Variants in CDK8 observed in about 807,000 individuals in gnomAD.
The protein encoded by CDK8 is cyclin dependent kinase 8.
A neutral mutation model predicts 71.5 loss-of-function variants in CDK8; 29 were observed. The ratio of observed to expected loss-of-function variants is 0.41; its 90% confidence interval spans 0.30 to 0.55. The LOEUF is 0.55. Ranked by LOEUF, CDK8 falls within the 20% of genes least tolerant of loss-of-function variation. The probability of loss-of-function intolerance (pLI) is 0.37; values close to 1 mark genes in which losing one functional copy is unlikely to be tolerated. For missense variants in CDK8, 288 were observed against 572.6 expected (o/e 0.50, Z 5.07); for synonymous variants, 161 against 192.1 (o/e 0.84, Z 1.34).
intron 4 of CDK8, among the ~76,000 whole-genome samples, chr13:26,357,527 A>G (rs912457844): frequency 3.9e-5 from 6 of 152,118 alleles, no homozygotes; most frequent in Admixed American, 2.0e-4. Flanking sequence ...TTCTTTGTTT[A>G]TTCTCTTTCT....
intron 1 of CDK8, among the ~76,000 whole-genome samples, chr13:26,284,908 C>G (rs1593238547): frequency 1.3e-5 from 2 of 149,506 alleles, no homozygotes; most frequent in South Asian, 4.2e-4. Flanking sequence ...AACCACATAC[C>G]AATATCCCTG....
intron 1 of CDK8, among the ~76,000 whole-genome samples, chr13:26,332,511 A>T (rs2137965289): frequency 6.6e-6 from 1 of 151,578 alleles, no homozygotes; most frequent in African/African-American, 2.4e-5. Context: ...ATAAAATCAT[A>T]TCATCAGCAA....
intron 1 of CDK8, among the ~76,000 whole-genome samples, chr13:26,270,141 G>A (rs1432142159): frequency 1.3e-5 from 2 of 151,966 alleles, no homozygotes; most frequent in African/African-American, 4.8e-5. Context: ...TGTAATCCCA[G>A]CACTTTGGGA....
intron 1 of CDK8, among the ~76,000 whole-genome samples, chr13:26,317,118 C>T (rs946173282): frequency 5.9e-5 from 9 of 152,104 alleles, no homozygotes; most frequent in African/African-American, 2.2e-4. Flanking sequence ...GTGACTCCAT[C>T]AAGAGGACCA....
rs1871406883 is a variant in CDK8, at chr13:26,254,252, G to A, written c.-390G>A. 3.6e-6 allele frequency: 1 copy of A among 279,774 alleles called. No homozygotes were observed. Among genetic ancestry groups the A allele is most frequent in the Non-Finnish European group, 6.8e-6 (1 of 146,680 alleles). The allele number at this position is 279,774 out of a possible 1,614,324, so 17.3% of individuals were successfully genotyped here. A position where few individuals can be genotyped will look rare whatever the true frequency, so the allele number is the denominator to read the frequency against. ...CGTGAGTGCGCGTGTGAGAGGACGA[G>A]AGCCCGCCTGGCCGCCCCGCCGCTC... On this transcript the variant is annotated 5_prime_UTR_variant, in exon 1 of 13. Transcript: ENST00000381527. This position sits in a 1 kb window ranked among gnomAD's most constrained non-coding sequence, Gnocchi z 6.7.
In CDK8 at chr13:26,254,211, G is replaced by A; in HGVS notation, c.-431G>A. 3.8e-6 allele frequency: 1 copy of A among 264,068 alleles called. No homozygotes were observed. The highest frequency in any genetic ancestry group is 7.3e-6 in the Non-Finnish European group (1 of 137,332). The allele number at this position is 264,068 out of a possible 1,614,324, so 16.4% of individuals were successfully genotyped here. ...AGTGAGTGAGTGAGTGTGAGCGTGT[G>A]TGTGAGAGCGTGAGGCGTGAGTGCG... On this transcript the variant is annotated 5_prime_UTR_variant, in exon 1 of 13. It adds an upstream start codon to the 5' untranslated region. Coordinates refer to ENST00000381527, the MANE Select transcript of CDK8 (RefSeq NM_001260.3). This position sits in a 1 kb window ranked among gnomAD's most constrained non-coding sequence, Gnocchi z 6.7.
At chr13:26,268,266 C>CAT (rs1457178490) in intron 1 of CDK8, among the ~76,000 whole-genome samples, 1 of 123,940 alleles carries the variant, frequency 8.1e-6, no homozygotes, top group African/African-American at 3.0e-5. Context: ...AACACACACA[C>CAT]ACACACACAC....
At position 26,269,591 on chromosome 13, in the gene CDK8, G is replaced by A. The variant is rs185041424; in HGVS notation, c.128+14822G>A. On this transcript the variant is annotated intron_variant, in intron 1 of 12. Coordinates refer to ENST00000381527, the MANE Select transcript of CDK8 (RefSeq NM_001260.3). ...TCATTCTATTCTAAAAGGTGATTCA[G>A]TCTGATGTTCCTAAGTACATGAAAA... Among the ~76,000 whole-genome samples the A allele has an allele frequency of 1.7e-3, 263 of 152,020 alleles. 1 individual carries two copies. The highest frequency in any genetic ancestry group is 3.3e-3 in the Non-Finnish European group (223 of 67,996).
At chr13:26,312,449 G>A (rs902141447) in intron 1 of CDK8, among the ~76,000 whole-genome samples, 1 of 151,952 alleles carries the variant, frequency 6.6e-6, no homozygotes, top group African/African-American at 2.4e-5. Context: ...TGAAGTCAGC[G>A]AGACCATGAA....
At position 26,404,235 on chromosome 13, in the gene CDK8, G is replaced by T; in HGVS notation, c.*154G>T. 2 of 805,070 alleles carry T rather than the reference G, an allele frequency of 2.5e-6. No homozygotes were observed. The highest frequency in any genetic ancestry group is 2.7e-5 in the East Asian group (1 of 36,730). 49.9% of individuals were successfully genotyped at this position (805,070 alleles called of 1,614,324 possible). On this transcript the variant is annotated 3_prime_UTR_variant, in exon 13 of 13. Transcript: ENST00000381527. ...AAGTTCCACCACTTTTCACAGATTG[G>T]GGTAGTGGCTTCCAAGTTGTACCTA...
chr13:26,263,815 C>A (rs1371112803), intron 1 of CDK8, among the ~76,000 whole-genome samples: 1 of 148,384 alleles, frequency 6.7e-6, no homozygotes, highest in Non-Finnish European at 1.5e-5. Flanking sequence ...GGCACGATCT[C>A]GGCTCACTGC....
At chr13:26,386,772 C>T (rs1431160462) in intron 6 of CDK8, among the ~76,000 whole-genome samples, 3 of 152,158 alleles carry the variant, frequency 2.0e-5, no homozygotes, top group Non-Finnish European at 4.4e-5. Flanking sequence ...GGATGACACC[C>T]CTCCATTGCC....
At chr13:26,372,110 A>G (rs1026727360) in intron 4 of CDK8, among the ~76,000 whole-genome samples, 1 of 152,208 alleles carries the variant, frequency 6.6e-6, no homozygotes, top group African/African-American at 2.4e-5. Context: ...AGAAATAAAG[A>G]TATGCATGGT....
chr13:26,331,227 G>A (rs756084632), intron 1 of CDK8, among the ~76,000 whole-genome samples: 2 of 151,984 alleles, frequency 1.3e-5, no homozygotes, highest in African/African-American at 4.8e-5. Flanking sequence ...TATACCTGTT[G>A]GATCTTTGTA....
In CDK8 at chr13:26,382,088, C is replaced by A. The variant is rs186412851; in HGVS notation, c.457-726C>A. 1.3e-3 allele frequency among the ~76,000 whole-genome samples: 198 copies of A among 152,254 alleles called. 1 individual carries two copies. The highest frequency in any genetic ancestry group is 4.6e-3 in the African/African-American group (191 of 41,562). ...CTGCTTTCTCTCCCCTCATCCCCTCCTTACTCCTTCTGCTCTTCCTTCGCT... is the reference window on the plus strand; with the variant it reads ...CTGCTTTCTCTCCCCTCATCCCCTCATTACTCCTTCTGCTCTTCCTTCGCT... On this transcript the variant is annotated intron_variant, in intron 4 of 12. Transcript: ENST00000381527.
intron 4 of CDK8, among the ~76,000 whole-genome samples, chr13:26,369,836 A>G (rs1344826653): frequency 1.3e-5 from 2 of 150,306 alleles, no homozygotes; most frequent in Non-Finnish European, 2.9e-5. Context: ...GATTACAGGC[A>G]TGAGCCACCA....
chr13:26,382,132 C>T (rs36012342), intron 4 of CDK8, among the ~76,000 whole-genome samples: 8,944 of 152,080 alleles, frequency 0.059, 363 homozygotes, highest in Middle Eastern at 0.14. Flanking sequence ...GAAAGGGCAG[C>T]CTTTATTCAT....
intron 1 of CDK8, among the ~76,000 whole-genome samples, chr13:26,317,559 T>C (rs1874568364): frequency 6.6e-6 from 1 of 152,210 alleles, no homozygotes; most frequent in South Asian, 2.1e-4. Context: ...TGAGTCTCAA[T>C]AGTTTTTTAA....
chr13:26,360,608 T>C (rs775108313), intron 4 of CDK8, among the ~76,000 whole-genome samples: 7 of 152,138 alleles, frequency 4.6e-5, no homozygotes, highest in Admixed American at 1.3e-4. Flanking sequence ...GATTATAAAC[T>C]CCTGAGGGCA....
Sources: gnomAD v4.1 joint callset for allele counts (sites outside exome capture counted in the v4.1 genomes callset) on GRCh38, gnomAD v4.1.1 for gene constraint, Gnocchi (gnomAD v3.1) non-coding constraint, MANE v1.5 for transcripts, NCBI Gene and HGNC (gene_info 2026-07-23, HGNC 2026-07-21) for gene names.